Variants in NOL9 observed in about 807,000 individuals in gnomAD.
NOL9 encodes nucleolar protein 9.
A neutral mutation model predicts 67.9 loss-of-function variants in NOL9; 28 were observed. The observed-to-expected ratio is 0.41, with a 90% CI of 0.31 to 0.57. The LOEUF is 0.57. Ranked by LOEUF, NOL9 falls within the 20% of genes least tolerant of loss-of-function variation. NOL9 has a pLI of 0.25. For synonymous variants in NOL9, 356 were observed against 352.2 expected (o/e 1.01, Z -0.12); for missense variants, 777 against 897.0 (o/e 0.87, Z 1.71).
chr1:6,551,093 C>T (rs1256543470), intron 1 of NOL9, among the ~76,000 whole-genome samples: 1 of 152,190 alleles, frequency 6.6e-6, no homozygotes, highest in South Asian at 2.1e-4. Context: ...AGGAGGATCA[C>T]TTGAGCCCAG....
Position 6,532,453 on chromosome 1 carries a change from G to T in NOL9, c.1535+10C>A. The stretch of plus-strand genomic sequence containing the variant: ...AAAAATAATTCTTCAGCCAAATGAG[G>T]GTTAGTTACCTATTTCTTGGAGTTA... On this transcript the variant is annotated intron_variant, in intron 8 of 11. Transcript: ENST00000377705. 6.2e-7 allele frequency: 1 copy of T among 1,601,178 alleles called. No individual in the cohort carries two copies. The highest frequency in any genetic ancestry group is 1.1e-5 in the South Asian group (1 of 89,644).
chr1:6,545,240 A>G, intron 3 of NOL9, 60 bp from the exon 4 acceptor site: 1 of 1,505,874 alleles, frequency 6.6e-7, no homozygotes, highest in Non-Finnish European at 9.1e-7. Context: ...TTCAGTACTA[A>G]ATTAATCAAG....
At chr1:6,546,474 G>A (rs1639423941) in intron 3 of NOL9, among the ~76,000 whole-genome samples, 1 of 152,074 alleles carries the variant, frequency 6.6e-6, no homozygotes, top group African/African-American at 2.4e-5. Flanking sequence ...CACCCACCTC[G>A]TATCTATCTG....
intron 6 of NOL9, among the ~76,000 whole-genome samples, chr1:6,534,331 G>A (rs1639101028): frequency 6.6e-6 from 1 of 152,208 alleles, no homozygotes; most frequent in Non-Finnish European, 1.5e-5. Flanking sequence ...GCCGGCTCCT[G>A]CGTTCACACT....
At position 6,525,875 on chromosome 1, in the gene NOL9, C is replaced by G; in HGVS notation, c.2088G>C (p.Lys696Asn). The change falls in exon 12 of 12, where the codon AAG becomes AAC. Residue 696 changes from lysine (K) to asparagine (N), a missense_variant. Lys to Asn is a moderately conservative substitution (Grantham distance 94). Coordinates refer to ENST00000377705, the MANE Select transcript of NOL9 (RefSeq NM_024654.5). ...AGCATCACTTCATTTTTCGACAGAA[C>G]TTAGGTCTTCGGTATGGTTTCTCTT... ...AHKEKPYRRP[K>N]FCRKMK 1 of 1,614,150 alleles carries G rather than the reference C, an allele frequency of 6.2e-7. No homozygotes were observed. The highest frequency in any genetic ancestry group is 8.5e-7 in the Non-Finnish European group (1 of 1,180,020).
chr1:6,540,153 T>C (rs9628992), intron 6 of NOL9, among the ~76,000 whole-genome samples: 104,431 of 126,988 alleles, frequency 0.82, 42,890 homozygotes, highest in Non-Finnish European at 0.88. Context: ...GACAGAGTCT[T>C]GCTCTGTCGC....
chr1:6,526,437 A>T (rs933747881), intron 11 of NOL9, among the ~76,000 whole-genome samples: 1 of 152,070 alleles, frequency 6.6e-6, no homozygotes, highest in Non-Finnish European at 1.5e-5. Flanking sequence ...TGCTTGCTCC[A>T]ACACAACCTA....
chr1:6,527,930 C>CT (rs1557781865), intron 10 of NOL9, among the ~76,000 whole-genome samples: 1 of 151,114 alleles, frequency 6.6e-6, no homozygotes, highest in African/African-American at 2.4e-5. Flanking sequence ...GACTCCGTCT[C>CT]GGAAAAAAAA....
At chr1:6,531,827 C>T (rs969706729) in intron 9 of NOL9, 141 bp downstream of exon 9, 11 of 688,876 alleles carry the variant, frequency 1.6e-5, no homozygotes, top group African/African-American at 7.1e-5. Context: ...GTGGGAATAA[C>T]GACACAAGCT....
chr1:6,529,962 A>G (rs1445472153), intron 9 of NOL9, among the ~76,000 whole-genome samples: 2 of 152,092 alleles, frequency 1.3e-5, no homozygotes, highest in African/African-American at 4.8e-5. Context: ...TAAATAAAAT[A>G]CAAAAATTTA....
At chr1:6,535,546 G>A (rs1639133345) in intron 6 of NOL9, among the ~76,000 whole-genome samples, 1 of 152,210 alleles carries the variant, frequency 6.6e-6, no homozygotes, top group African/African-American at 2.4e-5. Flanking sequence ...GCAGGGCAGA[G>A]CGGCTGCTTA....
At chr1:6,537,588 GA>G (rs1383186007) in intron 6 of NOL9, among the ~76,000 whole-genome samples, 3 of 152,082 alleles carry the variant, frequency 2.0e-5, no homozygotes, top group African/African-American at 7.2e-5. Flanking sequence ...AAAACTTACC[GA>G]AAAGCTATAG....
chr1:6,554,498 G>A lies in NOL9; in HGVS notation c.5C>T (p.Ala2Val), dbSNP rs200300475. 1.3e-4 allele frequency: 200 copies of A among 1,536,362 alleles called. No individual in the cohort carries two copies. The East Asian group carries it at 4.9e-3, about 37-fold the overall frequency. Residue 2 changes from alanine (A) to valine (V), a missense_variant, in exon 1 of 12, where the codon GCG becomes GTG. By Grantham distance (64) the Ala-to-Val change is moderately conservative (BLOSUM62 0). This residue lies in a region of NOL9 where 364 missense variants were observed against 344.4 expected (regional missense o/e 1.06). Coordinates refer to ENST00000377705, the MANE Select transcript of NOL9 (RefSeq NM_024654.5). ...CCGCTTTAGCAGCAGTCCCGAGTCC[G>A]CCATGCTGGGTCCTCAGGGCCTACC... is the stretch of plus-strand genomic sequence containing the variant. The part of the protein sequence containing the change: M[A>V]DSGLLLKRGS...
chr1:6,527,625 A>T (rs747712), intron 10 of NOL9, among the ~76,000 whole-genome samples: 121,589 of 149,274 alleles, frequency 0.81, 50,390 homozygotes, highest in Non-Finnish European at 0.88. Flanking sequence ...TCTCAAAAAC[A>T]AAACAAAACA....
At chr1:6,539,370 T>G (rs1298055586) in intron 6 of NOL9, among the ~76,000 whole-genome samples, 6 of 152,256 alleles carry the variant, frequency 3.9e-5, no homozygotes, top group African/African-American at 1.4e-4. Flanking sequence ...AGCAGGATTA[T>G]TCACGAAAGC....
intron 6 of NOL9, among the ~76,000 whole-genome samples, chr1:6,533,921 CTT>C (rs1291683413): frequency 6.7e-6 from 1 of 149,902 alleles, no homozygotes; most frequent in African/African-American, 2.5e-5. Context: ...GAGTTTCACT[CTT>C]GTTGCCCAGG....
In NOL9 at chr1:6,526,912, T is replaced by C. The variant is rs572692059; in HGVS notation, c.1826-83A>G. The C allele has an allele frequency of 2.9e-3, 4,272 of 1,465,800 alleles. 11 individuals carry two copies. Among genetic ancestry groups the C allele is most frequent in the Non-Finnish European group, 3.1e-3 (3,439 of 1,093,656 alleles). The allele number at this position is 1,465,800 out of a possible 1,614,324, so 90.8% of individuals were successfully genotyped here. A position where few individuals can be genotyped will look rare whatever the true frequency, so the allele number is the denominator to read the frequency against. On this transcript the variant is annotated intron_variant, in intron 10 of 11. Coordinates refer to ENST00000377705, the MANE Select transcript of NOL9 (RefSeq NM_024654.5). ...ATCGTTAGAAACTGCAGAATGGTTT[T>C]GAACATAAGTCTTTATATCAACTCT...
chr1:6,537,916 G>T (rs1639190376), intron 6 of NOL9, among the ~76,000 whole-genome samples: 1 of 146,948 alleles, frequency 6.8e-6, no homozygotes, highest in Non-Finnish European at 1.5e-5. Flanking sequence ...GAGGTCAGGA[G>T]ATTGAGACCA....
intron 1 of NOL9, among the ~76,000 whole-genome samples, chr1:6,553,784 G>A (rs1639597121): frequency 1.3e-5 from 2 of 152,212 alleles, no homozygotes; most frequent in South Asian, 4.1e-4. Context: ...GGAGGTTGCA[G>A]TGAGCCGAGA....
Sources: allele counts gnomAD v4.1 joint callset (sites outside exome capture counted in the v4.1 genomes callset), GRCh38; gene constraint gnomAD v4.1.1; regional missense constraint gnomAD v4.1.1; transcripts MANE v1.5; gene names NCBI Gene and HGNC (gene_info 2026-07-23, HGNC 2026-07-21).